Variants in NALF1 observed in about 807,000 individuals in gnomAD.
NALF1 encodes family with sequence similarity 155 member A.
In NALF1, 3 loss-of-function variants were observed where a neutral mutation model predicts 48.4. The ratio of observed to expected loss-of-function variants is 0.06; its 90% CI spans 0.03 to 0.16. The LOEUF (loss-of-function observed/expected upper bound fraction) is 0.16, where lower values mean the gene tolerates loss of function less well. NALF1 is among the 10% of genes least tolerant of loss of function. The probability of loss-of-function intolerance (pLI) is 1.00; values close to 1 mark genes in which losing one functional copy is unlikely to be tolerated. For missense variants in NALF1, 526 were observed against 571.5 expected (o/e 0.92, Z 0.81); for synonymous variants, 262 against 245.7 (o/e 1.07, Z -0.62).
intron 1 of NALF1, among the ~76,000 whole-genome samples, chr13:107,370,379 T>C (rs370453853): frequency 2.1e-4 from 32 of 152,174 alleles, no homozygotes; most frequent in African/African-American, 7.2e-4. Flanking sequence ...AAACAGGCTC[T>C]TGCAAAGTTC....
At chr13:107,655,927 C>CA (rs1007443480) in intron 1 of NALF1, among the ~76,000 whole-genome samples, 7 of 152,026 alleles carry the variant, frequency 4.6e-5, no homozygotes, top group African/African-American at 1.7e-4. Flanking sequence ...CCCTATTCAA[C>CA]AAATGGTCCT....
chr13:107,451,281 T>G (rs1884735588), intron 1 of NALF1, among the ~76,000 whole-genome samples: 2 of 152,186 alleles, frequency 1.3e-5, no homozygotes, highest in African/African-American at 4.8e-5. Flanking sequence ...TTGAGCGTGG[T>G]GAGAGGATGA....
intron 1 of NALF1, among the ~76,000 whole-genome samples, chr13:107,699,971 C>A (rs1039550675): frequency 2.0e-5 from 3 of 151,920 alleles, no homozygotes; most frequent in Middle Eastern, 3.2e-3. Context: ...GATTTGCACA[C>A]TGAAAACTAT....
intron 1 of NALF1, among the ~76,000 whole-genome samples, chr13:107,651,758 CTGTT>C (rs767106679): frequency 3.3e-5 from 5 of 152,126 alleles, no homozygotes; most frequent in African/African-American, 4.8e-5. Context: ...TTCCACAAAA[CTGTT>C]TGCAATATAC....
At chr13:107,778,704 C>T (rs759597347) in intron 1 of NALF1, among the ~76,000 whole-genome samples, 12 of 151,962 alleles carry the variant, frequency 7.9e-5, no homozygotes, top group Non-Finnish European at 1.6e-4. Flanking sequence ...AGACCATAAA[C>T]CTTAGGGTCT....
intron 1 of NALF1, among the ~76,000 whole-genome samples, chr13:107,717,995 G>C (rs1875871401): frequency 6.6e-6 from 1 of 152,102 alleles, no homozygotes; most frequent in South Asian, 2.1e-4. Context: ...CCCTCCACCT[G>C]CTGTTGTTCC....
At chr13:107,718,427 G>T (rs1025581051) in intron 1 of NALF1, among the ~76,000 whole-genome samples, 4 of 152,132 alleles carry the variant, frequency 2.6e-5, no homozygotes, top group African/African-American at 9.7e-5. Context: ...CACCTACCTA[G>T]TGGCTACCAC....
intron 1 of NALF1, among the ~76,000 whole-genome samples, chr13:107,741,447 A>G (rs549705827): frequency 3.3e-5 from 5 of 152,328 alleles, no homozygotes; most frequent in African/African-American, 1.2e-4. Flanking sequence ...AGAAATGCCT[A>G]CTGAGTACTT....
intron 1 of NALF1, among the ~76,000 whole-genome samples, chr13:107,247,913 C>G (rs1355044507): frequency 6.6e-6 from 1 of 152,090 alleles, no homozygotes. Context: ...CTGGAGAGGT[C>G]ACATCTGGGG....
At chr13:107,690,235 A>C (rs182494516) in intron 1 of NALF1, among the ~76,000 whole-genome samples, 46 of 152,356 alleles carry the variant, frequency 3.0e-4, no homozygotes, top group Non-Finnish European at 5.6e-4. Flanking sequence ...TAGCCATGAC[A>C]TTATGCTTTA....
intron 1 of NALF1, among the ~76,000 whole-genome samples, chr13:107,831,947 C>T (rs998225245): frequency 3.9e-5 from 6 of 152,084 alleles, no homozygotes; most frequent in East Asian, 1.9e-4. Flanking sequence ...ATTCAAAAAT[C>T]GCATTTCAAT....
chr13:107,239,796 C>T (rs144040394), intron 1 of NALF1, among the ~76,000 whole-genome samples: 50 of 152,096 alleles, frequency 3.3e-4, no homozygotes, highest in African/African-American at 1.1e-3. Flanking sequence ...ACCAACACAC[C>T]CCAAAATACG....
chr13:107,492,212 G>A (rs912264400), intron 1 of NALF1, among the ~76,000 whole-genome samples: 7 of 151,632 alleles, frequency 4.6e-5, no homozygotes, highest in Non-Finnish European at 1.0e-4. Flanking sequence ...CACCACACCC[G>A]GCTAATTTTG....
chr13:107,702,371 T>C (rs1160318023), intron 1 of NALF1, among the ~76,000 whole-genome samples: 1 of 152,234 alleles, frequency 6.6e-6, no homozygotes, highest in East Asian at 1.9e-4. Context: ...CTCTTCTTAA[T>C]AACCAGTCAC....
At chr13:107,572,404 T>C (rs1202544565) in intron 1 of NALF1, among the ~76,000 whole-genome samples, 1 of 152,160 alleles carries the variant, frequency 6.6e-6, no homozygotes, top group African/African-American at 2.4e-5. Flanking sequence ...TCTGCTGTAA[T>C]GCAATGCACT....
intron 1 of NALF1, among the ~76,000 whole-genome samples, chr13:107,438,491 A>G (rs1406816898): frequency 1.3e-5 from 2 of 152,094 alleles, no homozygotes; most frequent in African/African-American, 4.8e-5. Flanking sequence ...AGTTGTTTCA[A>G]ATTTGCAGAG....
chr13:107,852,524 C>T (rs1880344869), intron 1 of NALF1, among the ~76,000 whole-genome samples: 1 of 152,150 alleles, frequency 6.6e-6, no homozygotes, highest in Non-Finnish European at 1.5e-5. Flanking sequence ...TTTCTTTATG[C>T]AGCATCCTTT....
chr13:107,714,515 A>G, intron 1 of NALF1, among the ~76,000 whole-genome samples: 1 of 151,582 alleles, frequency 6.6e-6, no homozygotes, highest in East Asian at 1.9e-4. Flanking sequence ...AAAAATATAA[A>G]CGCTAGCCAG....
intron 1 of NALF1, among the ~76,000 whole-genome samples, chr13:107,630,400 C>T (rs1396261015): frequency 6.6e-6 from 1 of 152,086 alleles, no homozygotes; most frequent in Non-Finnish European, 1.5e-5. Flanking sequence ...AGCATCCCCA[C>T]CTGACTGGGA....
Sources: allele counts gnomAD v4.1 joint callset (sites outside exome capture counted in the v4.1 genomes callset), GRCh38; gene constraint gnomAD v4.1.1; transcripts MANE v1.5; gene names NCBI Gene and HGNC (gene_info 2026-07-23, HGNC 2026-07-21).